YY1: variants seen among roughly 807,000 people sequenced by gnomAD.
YY1 encodes the protein transcriptional repressor protein YY1.
A neutral mutation model predicts 35.6 loss-of-function variants in YY1; 2 were observed. The observed-to-expected ratio is 0.06, with a 90% CI of 0.02 to 0.18. YY1 has a LOEUF of 0.18. Among genes scored for constraint, YY1 ranks in the 10% least tolerant of loss-of-function variants. The pLI is 1.00. For missense variants in YY1, 322 were observed against 573.4 expected (o/e 0.56, Z 4.48); for synonymous variants, 268 against 238.9 (o/e 1.12, Z -1.12).
chr14:100,249,748 G>GGT (rs1890892833), intron 1 of YY1, among the ~76,000 whole-genome samples: 1 of 141,032 alleles, frequency 7.1e-6, no homozygotes, highest in Non-Finnish European at 1.5e-5. Flanking sequence ...GCTACTTACC[G>GGT]TTTTTTTTTT....
intron 1 of YY1, among the ~76,000 whole-genome samples, chr14:100,244,860 CTTTA>C (rs1238730840): frequency 6.6e-6 from 1 of 150,858 alleles, no homozygotes; most frequent in East Asian, 2.0e-4. Context: ...TGCCTGACCT[CTTTA>C]TTTTTTCCTA....
At chr14:100,242,473 C>T (rs191995554) in intron 1 of YY1, among the ~76,000 whole-genome samples, 2 of 146,900 alleles carry the variant, frequency 1.4e-5, no homozygotes, top group Non-Finnish European at 3.0e-5. Flanking sequence ...ACGGCAAGCT[C>T]CGCCTCCCGA....
intron 1 of YY1, among the ~76,000 whole-genome samples, chr14:100,252,914 A>C (rs563969727): frequency 6.6e-6 from 1 of 152,156 alleles, no homozygotes; most frequent in Admixed American, 6.5e-5. Flanking sequence ...GGTGTGGTGC[A>C]CCTGTGGTCT....
chr14:100,280,011 T>A lies in YY1; in HGVS notation c.*2411T>A, dbSNP rs889391511. 6.6e-6 allele frequency: 1 copy of A among 152,278 alleles called. No individual in the cohort carries two copies. The highest frequency in any genetic ancestry group is 1.5e-5 in the Non-Finnish European group (1 of 68,064). The allele number at this position is 152,278 out of a possible 1,614,324, so 9.4% of individuals were successfully genotyped here. A position where few individuals can be genotyped will look rare whatever the true frequency, so the allele number is the denominator to read the frequency against. On this transcript the variant is annotated 3_prime_UTR_variant, in exon 5 of 5. Transcript: ENST00000262238. ...TGAAATAGTCATCACTCCCCTTGAC[T>A]CTCTCTGTTCACGTCTTCTCAGTCT...
At chr14:100,258,711 T>C (rs1891038450) in intron 1 of YY1, among the ~76,000 whole-genome samples, 1 of 152,200 alleles carries the variant, frequency 6.6e-6, no homozygotes, top group Non-Finnish European at 1.5e-5. Flanking sequence ...TTACTTAACC[T>C]CTCTGTGCCT....
In YY1 at chr14:100,239,222, C is replaced by T. The variant is rs1402752016; in HGVS notation, c.-23C>T. On this transcript the variant is annotated 5_prime_UTR_variant, in exon 1 of 5. Transcript: ENST00000262238. Reference sequence around the variant, plus strand: ...AGCCGAGGAGCCGAGGCCGCCGCGGCCGTGGCGGCGGAGCCCTCAGCCATG... The same window carrying T: ...AGCCGAGGAGCCGAGGCCGCCGCGGTCGTGGCGGCGGAGCCCTCAGCCATG... 6 of 1,468,346 alleles carry T rather than the reference C, an allele frequency of 4.1e-6. No individual in the cohort carries two copies. In the East Asian group the frequency reaches 1.1e-4, roughly 28 times the overall value. The allele number at this position is 1,468,346 out of a possible 1,614,324, so 91.0% of individuals were successfully genotyped here.
At chr14:100,240,488 C>T (rs1179730278) in intron 1 of YY1, among the ~76,000 whole-genome samples, 1 of 151,344 alleles carries the variant, frequency 6.6e-6, no homozygotes, top group African/African-American at 2.4e-5. Flanking sequence ...CCCAACTGCT[C>T]CCCGGTGGCA....
intron 1 of YY1, among the ~76,000 whole-genome samples, chr14:100,240,323 G>T (rs950299218): frequency 1.4e-3 from 205 of 146,944 alleles, no homozygotes; most frequent in Non-Finnish European, 2.5e-3. Flanking sequence ...CGGGACGCGG[G>T]AGGTCGTTGG....
intron 2 of YY1, among the ~76,000 whole-genome samples, chr14:100,270,152 A>G (rs977627539): frequency 6.7e-6 from 1 of 149,670 alleles, no homozygotes; most frequent in Non-Finnish European, 1.5e-5. Flanking sequence ...AGTCCCAGCT[A>G]CTCAGGAGGC....
rs7143939 is a variant in YY1, at chr14:100,243,293, G to A, written c.679+3370G>A. On this transcript the variant is annotated intron_variant, in intron 1 of 4. Transcript: ENST00000262238. ...TGGTGGGCAGCATTACTGCTTTCGTGTACTTGATCTCATTTGATCCTAGGC... is the reference window on the plus strand; with the variant it reads ...TGGTGGGCAGCATTACTGCTTTCGTATACTTGATCTCATTTGATCCTAGGC... 8.3e-4 allele frequency among the ~76,000 whole-genome samples: 127 copies of A among 152,286 alleles called. 1 individual carries two copies. The highest frequency in any genetic ancestry group is 2.9e-3 in the African/African-American group (122 of 41,552).
Position 100,276,227 on chromosome 14 carries a change from A to G in YY1, c.904-263A>G. On this transcript the variant is annotated intron_variant, in intron 3 of 4. Transcript: ENST00000262238. The surrounding 1 kb of genome is among the most constrained non-coding windows in gnomAD (Gnocchi z 4.1). ...CAGTTTGGCTACTACTAGTAGTGTG[A>G]CCTTGGGCAAGTCTACTTAAAGACA... 2.1e-6 allele frequency: 1 copy of G among 471,706 alleles called. No individual in the cohort carries two copies. The highest frequency in any genetic ancestry group is 2.1e-5 in the South Asian group (1 of 47,970). 29.2% of individuals were successfully genotyped at this position (471,706 alleles called of 1,614,324 possible).
intron 2 of YY1, among the ~76,000 whole-genome samples, chr14:100,264,577 A>G (rs1447869236): frequency 6.6e-6 from 1 of 152,186 alleles, no homozygotes; most frequent in African/African-American, 2.4e-5. Flanking sequence ...AAGGGCGATG[A>G]ATCCTAGGCC....
rs775439859 is a variant in YY1, at chr14:100,281,060, C to CAAAAAAAAAAAAAAAAA, written c.*3460_*3461insAAAAAAAAAAAAAAAAA. 1 of 47,776 alleles carries CAAAAAAAAAAAAAAAAA rather than the reference C, an allele frequency of 2.1e-5. No homozygotes were observed. The highest frequency in any genetic ancestry group is 1.0e-4 in the African/African-American group (1 of 9,894). The allele number at this position is 47,776 out of a possible 1,614,324, so 3.0% of individuals were successfully genotyped here. On this transcript the variant is annotated 3_prime_UTR_variant, in exon 5 of 5. Transcript: ENST00000262238. ...GGGTGACAGAGCAAGACTCCGTCTC[C>CAAAAAAAAAAAAAAAAA]CAAAAAAAAAAAAAAAAAAAAAAAA...
intron 1 of YY1, among the ~76,000 whole-genome samples, chr14:100,255,283 C>T (rs952268684): frequency 6.6e-6 from 1 of 152,032 alleles, no homozygotes; most frequent in Non-Finnish European, 1.5e-5. Context: ...CTTAGACCAA[C>T]AAAATATGTT....
At chr14:100,273,749 G>T (rs563051129) in intron 2 of YY1, among the ~76,000 whole-genome samples, 142 of 152,226 alleles carry the variant, frequency 9.3e-4, no homozygotes, top group African/African-American at 3.2e-3. Flanking sequence ...CTGTTTCCGA[G>T]ATTTAAATTT....
At chr14:100,244,183 G>C (rs906936235) in intron 1 of YY1, among the ~76,000 whole-genome samples, 2 of 151,880 alleles carry the variant, frequency 1.3e-5, no homozygotes, top group African/African-American at 4.8e-5. Flanking sequence ...CACATGCCAT[G>C]TTCCTTTAAT....
Position 100,276,239 on chromosome 14 carries a change from T to A in YY1, c.904-251T>A. 1 of 499,668 alleles carries A rather than the reference T, an allele frequency of 2.0e-6. No homozygotes were observed. Among genetic ancestry groups the A allele is most frequent in the South Asian group, 2.1e-5 (1 of 48,352 alleles). 31.0% of individuals were successfully genotyped at this position (499,668 alleles called of 1,614,324 possible). ...TACTAGTAGTGTGACCTTGGGCAAG[T>A]CTACTTAAAGACATCTCTAAGCCTC... On this transcript the variant is annotated intron_variant, in intron 3 of 4. Transcript: ENST00000262238. This position sits in a 1 kb window ranked among gnomAD's most constrained non-coding sequence, Gnocchi z 4.1.
At chr14:100,270,603 A>T (rs1296135723) in intron 2 of YY1, among the ~76,000 whole-genome samples, 1 of 152,098 alleles carries the variant, frequency 6.6e-6, no homozygotes, top group Non-Finnish European at 1.5e-5. Flanking sequence ...AGCCTGGGCA[A>T]AAGAGTGAAA....
chr14:100,274,616 C>G (rs1891293923), intron 2 of YY1, 82 bp from the exon 3 acceptor site: 23 of 1,248,416 alleles, frequency 1.8e-5, no homozygotes, highest in Non-Finnish European at 2.7e-5. Context: ...ATAAGGAAAG[C>G]ATTTTAGGGA....
Sources: gnomAD v4.1 joint callset for allele counts (sites outside exome capture counted in the v4.1 genomes callset) on GRCh38, gnomAD v4.1.1 for gene constraint, Gnocchi (gnomAD v3.1) non-coding constraint, MANE v1.5 for transcripts, NCBI Gene and HGNC (gene_info 2026-07-23, HGNC 2026-07-21) for gene names.